The following GPC5 variants were observed in gnomAD, a reference collection of about 807,000 sequenced individuals.
GPC5 encodes the protein glypican 5.
Under a neutral mutation model 53.9 loss-of-function variants are expected in GPC5, and 47 were observed. The observed-to-expected ratio is 0.87, with a 90% CI of 0.69 to 1.11. GPC5 has a LOEUF of 1.11. Ranked by LOEUF, GPC5 falls within the 50% of genes most tolerant of loss-of-function variation. The pLI, the probability that GPC5 is intolerant of heterozygous loss-of-function variation, is 0.00. For missense variants in GPC5, 748 were observed against 713.1 expected (o/e 1.05, Z -0.56); for synonymous variants, 286 against 263.3 (o/e 1.09, Z -0.84).
chr13:92,158,042 T>A (rs754887490), intron 7 of GPC5, among the ~76,000 whole-genome samples: 11 of 152,204 alleles, frequency 7.2e-5, no homozygotes, highest in Non-Finnish European at 1.3e-4. Flanking sequence ...TATGGGGATT[T>A]TCTTAAGAAT....
At chr13:91,784,760 CA>C (rs2037852934) in intron 5 of GPC5, among the ~76,000 whole-genome samples, 1 of 150,304 alleles carries the variant, frequency 6.7e-6, no homozygotes. Flanking sequence ...ATTAGGATGT[CA>C]AAAAGTAGTT....
chr13:92,341,720 G>A (rs1200343899), intron 7 of GPC5, among the ~76,000 whole-genome samples: 5 of 151,972 alleles, frequency 3.3e-5, no homozygotes, highest in African/African-American at 1.2e-4. Flanking sequence ...CTTGAGTCCA[G>A]GAGTTCCAGA....
intron 7 of GPC5, among the ~76,000 whole-genome samples, chr13:92,441,223 C>A (rs1223572136): frequency 1.3e-5 from 2 of 152,170 alleles, no homozygotes; most frequent in Non-Finnish European, 2.9e-5. Flanking sequence ...TGTGCACCAC[C>A]ACACCTGGCT....
chr13:92,730,704 G>T (rs1200945326), intron 7 of GPC5, among the ~76,000 whole-genome samples: 1 of 151,220 alleles, frequency 6.6e-6, no homozygotes, highest in African/African-American at 2.4e-5. Flanking sequence ...GAGAGAGAAG[G>T]TGAAGGTCCA....
intron 7 of GPC5, among the ~76,000 whole-genome samples, chr13:92,805,849 C>T (rs946337087): frequency 6.6e-6 from 1 of 152,002 alleles, no homozygotes; most frequent in Non-Finnish European, 1.5e-5. Context: ...ATTTATAAAG[C>T]ACTGGCAGAG....
chr13:92,055,738 TA>T (rs1358370577), intron 6 of GPC5, among the ~76,000 whole-genome samples: 5 of 152,230 alleles, frequency 3.3e-5, no homozygotes, highest in Non-Finnish European at 7.3e-5. Context: ...AAAGTAAGCA[TA>T]TTTAATTTAT....
At chr13:92,581,498 T>G (rs1171486568) in intron 7 of GPC5, among the ~76,000 whole-genome samples, 9 of 152,180 alleles carry the variant, frequency 5.9e-5, no homozygotes, top group Non-Finnish European at 1.2e-4. Context: ...GATTCCATAT[T>G]TTAGCTCTTG....
intron 2 of GPC5, among the ~76,000 whole-genome samples, chr13:91,600,667 G>T (rs2033153479): frequency 6.6e-6 from 1 of 152,054 alleles, no homozygotes; most frequent in Non-Finnish European, 1.5e-5. Context: ...GGAGTGCAGT[G>T]ATGTGATCTC....
chr13:92,158,031 A>T (rs1377916243), intron 7 of GPC5, among the ~76,000 whole-genome samples: 7 of 152,240 alleles, frequency 4.6e-5, no homozygotes, highest in Non-Finnish European at 1.0e-4. Context: ...ATGATCCATT[A>T]TATGGGGATT....
At position 91,774,980 on chromosome 13, in the gene GPC5, G is replaced by T. The variant is rs192000619; in HGVS notation, c.1280+18560G>T. Among the ~76,000 whole-genome samples, 487 of 152,274 alleles carry T rather than the reference G, an allele frequency of 3.2e-3. 2 individuals carry two copies. Among genetic ancestry groups the T allele is most frequent in the African/African-American group, 0.011 (461 of 41,552 alleles). On this transcript the variant is annotated intron_variant, in intron 5 of 7. Transcript: ENST00000377067. Reference sequence around the variant, plus strand: ...TTAACAATGTGATTTTCAGAGACTTGCAGGGTAAGTAGGAGCTAGCTAGGT... The same window carrying T: ...TTAACAATGTGATTTTCAGAGACTTTCAGGGTAAGTAGGAGCTAGCTAGGT...
chr13:91,776,482 T>G (rs1160113336), intron 5 of GPC5, among the ~76,000 whole-genome samples: 1 of 152,240 alleles, frequency 6.6e-6, no homozygotes, highest in Non-Finnish European at 1.5e-5. Context: ...CACAGCTAAG[T>G]ACTTTGTATT....
chr13:92,320,685 C>T (rs773961205), intron 7 of GPC5, among the ~76,000 whole-genome samples: 11 of 152,058 alleles, frequency 7.2e-5, no homozygotes, highest in East Asian at 1.9e-4. Flanking sequence ...CTAATCAAAG[C>T]GGCAACCTTC....
chr13:91,990,856 G>A (rs920556317), intron 6 of GPC5, among the ~76,000 whole-genome samples: 3 of 152,154 alleles, frequency 2.0e-5, no homozygotes, highest in Non-Finnish European at 4.4e-5. Context: ...GCAAATAAAT[G>A]CATGATTTAA....
chr13:92,126,781 A>G (rs1386115408), intron 6 of GPC5, among the ~76,000 whole-genome samples: 2 of 151,908 alleles, frequency 1.3e-5, no homozygotes, highest in African/African-American at 4.8e-5. Flanking sequence ...TTAAACCAGT[A>G]GGATACTAAC....
chr13:91,996,134 G>C (rs552135425), intron 6 of GPC5: 1 of 152,200 alleles, frequency 6.6e-6, no homozygotes, highest in Non-Finnish European at 1.5e-5. Context: ...TTGAGGACAA[G>C]GAAGAAAATC....
At chr13:91,565,079 T>C (rs2031470233) in intron 2 of GPC5, among the ~76,000 whole-genome samples, 1 of 151,604 alleles carries the variant, frequency 6.6e-6, no homozygotes, top group Admixed American at 6.6e-5. Context: ...AACTTCTACC[T>C]CCTGGGTTCA....
intron 7 of GPC5, among the ~76,000 whole-genome samples, chr13:92,257,632 C>A (rs1485539826): frequency 1.4e-5 from 2 of 142,680 alleles, no homozygotes; most frequent in African/African-American, 5.3e-5. Flanking sequence ...CTCACTGCAA[C>A]CTCCGCCTCC....
intron 7 of GPC5, among the ~76,000 whole-genome samples, chr13:92,573,350 T>C (rs1315934192): frequency 1.3e-5 from 2 of 152,224 alleles, no homozygotes; most frequent in African/African-American, 4.8e-5. Context: ...TTAGCTATTA[T>C]GTTAGTAGTC....
At chr13:91,699,575 A>G (rs1281312323) in intron 3 of GPC5, among the ~76,000 whole-genome samples, 1 of 152,208 alleles carries the variant, frequency 6.6e-6, no homozygotes, top group Non-Finnish European at 1.5e-5. Flanking sequence ...CTTCTGAGGA[A>G]TAAGACTGGG....
Sources: gnomAD v4.1 joint callset for allele counts (sites outside exome capture counted in the v4.1 genomes callset) on GRCh38, gnomAD v4.1.1 for gene constraint, MANE v1.5 for transcripts, NCBI Gene and HGNC (gene_info 2026-07-23, HGNC 2026-07-21) for gene names.